OGDH: variants seen among roughly 807,000 people sequenced by gnomAD.
The protein encoded by OGDH is oxoglutarate dehydrogenase.
A neutral mutation model predicts 116.6 loss-of-function variants in OGDH; 38 were observed. That is an observed-to-expected ratio of 0.33 (90% CI 0.25 to 0.43). The LOEUF (loss-of-function observed/expected upper bound fraction) is 0.43. Among genes scored for constraint, OGDH ranks in the 20% least tolerant of loss-of-function variants. The pLI is 1.00. For missense variants in OGDH, 825 were observed against 1,357.2 expected (o/e 0.61, Z 6.16); for synonymous variants, 488 against 533.3 (o/e 0.92, Z 1.17).
chr7:44,640,089 A>G (rs564283160), intron 2 of OGDH, among the ~76,000 whole-genome samples: 53 of 152,340 alleles, frequency 3.5e-4, no homozygotes, highest in African/African-American at 1.2e-3. Context: ...TTTGTGGCTC[A>G]GGACCAGAGA....
intron 9 of OGDH, among the ~76,000 whole-genome samples, chr7:44,678,722 G>T (rs1032301113): frequency 6.6e-6 from 1 of 152,220 alleles, no homozygotes; most frequent in Admixed American, 6.5e-5. Context: ...CAGGGTCAGT[G>T]TGGGGTCATT....
Position 44,673,971 on chromosome 7 carries a change from G to C in OGDH, c.788+30G>C, listed in dbSNP as rs201170868. ...GGGTCTGGCCCTGGGCCATGGGGCA[G>C]ACATTCCCAGGGAAGCAGTGACCCT... On this transcript the variant is annotated intron_variant, in intron 6 of 22. Coordinates refer to ENST00000222673, the MANE Select transcript of OGDH (RefSeq NM_002541.4). 8.0e-5 allele frequency: 129 copies of C among 1,613,354 alleles called. 1 individual carries two copies. The East Asian group carries it at 2.8e-3, about 35-fold the overall frequency.
At chr7:44,696,589 T>A in intron 14 of OGDH, 32 bp downstream of exon 14, 6 of 1,613,660 alleles carry the variant, frequency 3.7e-6, no homozygotes, top group Non-Finnish European at 4.2e-6. Context: ...TGTGGAAATG[T>A]TGGGGCCCAG....
chr7:44,642,359 G>A (rs1785980828), intron 2 of OGDH, among the ~76,000 whole-genome samples: 1 of 152,172 alleles, frequency 6.6e-6, no homozygotes, highest in Admixed American at 6.5e-5. Flanking sequence ...CGGAGGTGGG[G>A]GTTACATTGA....
chr7:44,696,781 G>A, intron 14 of OGDH, 133 bp from the exon 15 acceptor site: 2 of 1,282,204 alleles, frequency 1.6e-6, no homozygotes, highest in Non-Finnish European at 2.1e-6. Context: ...TGAGGTCACA[G>A]CTTTTCCAGC....
intron 20 of OGDH, among the ~76,000 whole-genome samples, chr7:44,704,863 A>T (rs992991872): frequency 1.3e-5 from 2 of 151,444 alleles, no homozygotes. Context: ...GGCGCACGCC[A>T]CCATGCCTAG....
intron 10 of OGDH, among the ~76,000 whole-genome samples, chr7:44,691,531 CAAAAAA>C (rs56021103): frequency 1.3e-5 from 1 of 77,752 alleles, no homozygotes. Flanking sequence ...GACCTTCTCT[CAAAAAA>C]AAAAAAAAAA....
At chr7:44,653,545 T>A (rs1045478758) in intron 4 of OGDH, among the ~76,000 whole-genome samples, 2 of 152,124 alleles carry the variant, frequency 1.3e-5, no homozygotes, top group East Asian at 1.9e-4. Flanking sequence ...GTTTTGTTTT[T>A]TGAGACAGTC....
chr7:44,676,564 A>T (rs1054872007), intron 9 of OGDH: 2 of 243,146 alleles, frequency 8.2e-6, no homozygotes, highest in African/African-American at 4.6e-5. Context: ...CTCAAAGAAA[A>T]AAATAAATAA....
At chr7:44,706,812 C>T (rs932481210) in intron 20 of OGDH, among the ~76,000 whole-genome samples, 6 of 151,398 alleles carry the variant, frequency 4.0e-5, no homozygotes, top group Non-Finnish European at 5.9e-5. Flanking sequence ...TTAGTAGAGA[C>T]GGGGTTTCAC....
chr7:44,679,443 A>G, intron 9 of OGDH, among the ~76,000 whole-genome samples: 1 of 152,332 alleles, frequency 6.6e-6, no homozygotes, highest in East Asian at 1.9e-4. Flanking sequence ...GGACACCTGC[A>G]GTTCTGTTTT....
Position 44,707,136 on chromosome 7 carries a change from GC to G in OGDH, c.2633-88del, listed in dbSNP as rs1789113697. On this transcript the variant is annotated intron_variant, in intron 20 of 22. Transcript: ENST00000222673. The surrounding 1 kb of genome is among the most constrained non-coding windows in gnomAD (Gnocchi z 5.2). Reference sequence around the variant, plus strand: ...TAACCCTTGAAAGCTGCGTCTCCTGGCAGCAGTCCCTGGCACAGCCCTGGGC... The same window carrying G: ...TAACCCTTGAAAGCTGCGTCTCCTGGAGCAGTCCCTGGCACAGCCCTGGGC... The G allele has an allele frequency of 2.9e-6, 4 of 1,396,498 alleles. No homozygotes were observed. Among genetic ancestry groups the G allele is most frequent in the Non-Finnish European group, 3.0e-6 (3 of 1,014,942 alleles). The allele number at this position is 1,396,498 out of a possible 1,614,324, so 86.5% of individuals were successfully genotyped here.
chr7:44,622,928 C>T (rs1172378603), intron 1 of OGDH: 1 of 152,146 alleles, frequency 6.6e-6, no homozygotes, highest in Non-Finnish European at 1.5e-5. Context: ...TGGTGCCTGC[C>T]TTATTGGGAG....
intron 4 of OGDH, 36 bp downstream of exon 4, chr7:44,647,795 G>T (rs1786258173): frequency 1.3e-6 from 2 of 1,524,400 alleles, no homozygotes; most frequent in Admixed American, 1.7e-5. Context: ...CGTTGCTTGA[G>T]CTCCTCTCGC....
intron 10 of OGDH, among the ~76,000 whole-genome samples, chr7:44,684,320 A>T (rs1788045805): frequency 6.6e-6 from 1 of 152,196 alleles, no homozygotes; most frequent in East Asian, 1.9e-4. Context: ...AGAATTGATT[A>T]GAGGAGGACA....
chr7:44,698,121 G>A (rs1214467079), intron 17 of OGDH, 71 bp from the exon 18 acceptor site: 3 of 1,538,016 alleles, frequency 2.0e-6, no homozygotes, highest in Non-Finnish European at 2.7e-6. Context: ...GTTGGTTGAG[G>A]AGGAACAGCA....
At chr7:44,670,501 T>C (rs1158657480) in intron 5 of OGDH, among the ~76,000 whole-genome samples, 1 of 152,102 alleles carries the variant, frequency 6.6e-6, no homozygotes, top group Non-Finnish European at 1.5e-5. Flanking sequence ...GGGCTGGCCA[T>C]GTCTTCTTGA....
chr7:44,613,822 T>G (rs951985044), intron 1 of OGDH, among the ~76,000 whole-genome samples: 1 of 149,346 alleles, frequency 6.7e-6, no homozygotes, highest in Non-Finnish European at 1.5e-5. Flanking sequence ...TTTTTTTTTT[T>G]GAAGATGGCA....
chr7:44,706,878 C>A (rs1313808008), intron 20 of OGDH, among the ~76,000 whole-genome samples: 1 of 152,156 alleles, frequency 6.6e-6, no homozygotes, highest in Non-Finnish European at 1.5e-5. Context: ...CCCGCCTCAG[C>A]TTCCCAAAGT....
Sources: allele counts gnomAD v4.1 joint callset (sites outside exome capture counted in the v4.1 genomes callset), GRCh38; gene constraint gnomAD v4.1.1; non-coding constraint Gnocchi (gnomAD v3.1); transcripts MANE v1.5; gene names NCBI Gene and HGNC (gene_info 2026-07-23, HGNC 2026-07-21).